Variants in SEMA3A observed in about 807,000 individuals in gnomAD.
The protein encoded by SEMA3A is semaphorin 3A, also known as semaphorin-3A.
SEMA3A carries 29 observed loss-of-function variants against 97.9 expected under a neutral mutation model. The observed-to-expected ratio is 0.30, with a 90% CI of 0.22 to 0.40. The LOEUF (loss-of-function observed/expected upper bound fraction) is 0.40, where lower values mean the gene tolerates loss of function less well. SEMA3A is among the 10% of genes least tolerant of loss of function. The pLI, the probability that SEMA3A is intolerant of heterozygous loss-of-function variation, is 1.00. For missense variants in SEMA3A, 763 were observed against 951.3 expected, an observed-to-expected ratio of 0.80 and a Z score of 2.60; for synonymous variants, 321 against 323.7, an observed-to-expected ratio of 0.99 and a Z score of 0.09.
At chr7:84,063,759 T>G (rs1793355885) in intron 4 of SEMA3A, among the ~76,000 whole-genome samples, 1 of 149,124 alleles carries the variant, frequency 6.7e-6, no homozygotes, top group Non-Finnish European at 1.5e-5. Context: ...CCAAGAAATA[T>G]GGGACTATGT....
At chr7:84,368,363 T>C (rs930388441) in intron 2 of SEMA3A, among the ~76,000 whole-genome samples, 8 of 151,128 alleles carry the variant, frequency 5.3e-5, no homozygotes, top group African/African-American at 1.9e-4. Flanking sequence ...ATCATTGTCA[T>C]CTTTGATGAG....
intron 1 of SEMA3A, among the ~76,000 whole-genome samples, chr7:84,378,054 C>T (rs2116127841): frequency 6.6e-6 from 1 of 152,148 alleles, no homozygotes; most frequent in African/African-American, 2.4e-5. Context: ...GAAGAGGGTT[C>T]CTCTCTTTAA....
chr7:84,293,575 T>A (rs1180495198), intron 3 of SEMA3A, among the ~76,000 whole-genome samples: 1 of 152,018 alleles, frequency 6.6e-6, no homozygotes, highest in East Asian at 1.9e-4. Context: ...AAAACAACAT[T>A]AAATTCTTAA....
chr7:84,226,148 T>C (rs748613456), intron 3 of SEMA3A, among the ~76,000 whole-genome samples: 20 of 152,102 alleles, frequency 1.3e-4, no homozygotes, highest in Non-Finnish European at 2.6e-4. Context: ...GCATAATCAG[T>C]ATTCCAGGGG....
At chr7:84,303,091 T>C (rs576236893) in intron 3 of SEMA3A, among the ~76,000 whole-genome samples, 3 of 152,260 alleles carry the variant, frequency 2.0e-5, no homozygotes, top group Admixed American at 1.3e-4. Flanking sequence ...TTCAAAGAGG[T>C]AGGTGACATT....
At chr7:84,270,593 A>T (rs1464146432) in intron 3 of SEMA3A, among the ~76,000 whole-genome samples, 1 of 147,370 alleles carries the variant, frequency 6.8e-6, no homozygotes, top group East Asian at 2.0e-4. Flanking sequence ...TATATAAATA[A>T]TTATTTATAT....
At chr7:84,420,313 G>A (rs1349289483) in intron 1 of SEMA3A, among the ~76,000 whole-genome samples, 1 of 151,836 alleles carries the variant, frequency 6.6e-6, no homozygotes, top group Non-Finnish European at 1.5e-5. Context: ...ACCAAGAACT[G>A]AGGGAAACCA....
At chr7:84,479,457 G>C (rs543117445) in intron 1 of SEMA3A, among the ~76,000 whole-genome samples, 5 of 152,296 alleles carry the variant, frequency 3.3e-5, no homozygotes, top group Admixed American at 3.3e-4. Flanking sequence ...TGTCAAGGCT[G>C]TGTTGCACAC....
intron 1 of SEMA3A, among the ~76,000 whole-genome samples, chr7:84,484,162 C>A (rs1806516719): frequency 6.6e-6 from 1 of 151,748 alleles, no homozygotes; most frequent in Non-Finnish European, 1.5e-5. Context: ...TAATATAGTA[C>A]TAAAAATATT....
At chr7:84,407,898 A>G (rs1804147175) in intron 1 of SEMA3A, among the ~76,000 whole-genome samples, 1 of 152,190 alleles carries the variant, frequency 6.6e-6, no homozygotes, top group African/African-American at 2.4e-5. Context: ...TTAATTCGAG[A>G]TGGATTAAAG....
chr7:84,137,804 G>A (rs1464652934), intron 1 of SEMA3A, among the ~76,000 whole-genome samples: 1 of 151,814 alleles, frequency 6.6e-6, no homozygotes, highest in Non-Finnish European at 1.5e-5. Flanking sequence ...AATTGCAAAT[G>A]CATAGAAACT....
intron 1 of SEMA3A, among the ~76,000 whole-genome samples, chr7:84,173,923 A>C (rs1250413321): frequency 6.6e-6 from 1 of 152,164 alleles, no homozygotes; most frequent in Non-Finnish European, 1.5e-5. Flanking sequence ...CCTAGGTTGC[A>C]TGCTCCTTAC....
chr7:84,179,941 AATGC>A, intron 1 of SEMA3A, among the ~76,000 whole-genome samples: 1 of 145,056 alleles, frequency 6.9e-6, no homozygotes, highest in Non-Finnish European at 1.5e-5. Flanking sequence ...ATGTTTAGTC[AATGC>A]ATCTCTGCTT....
intron 3 of SEMA3A, among the ~76,000 whole-genome samples, chr7:84,211,991 T>C (rs1322944479): frequency 6.6e-6 from 1 of 152,180 alleles, no homozygotes; most frequent in Non-Finnish European, 1.5e-5. Context: ...AGTAATGTCA[T>C]GCATATCCAC....
chr7:84,485,593 ATGAACTCC>A (rs1044525149), intron 1 of SEMA3A, among the ~76,000 whole-genome samples: 61 of 152,024 alleles, frequency 4.0e-4, no homozygotes, highest in Non-Finnish European at 1.2e-4. Flanking sequence ...CAGGCTAGTC[ATGAACTCC>A]TGGGCTCTAG....
intron 13 of SEMA3A, among the ~76,000 whole-genome samples, chr7:83,984,390 C>A (rs142294207): frequency 6.6e-6 from 1 of 151,950 alleles, no homozygotes; most frequent in African/African-American, 2.4e-5. Flanking sequence ...TGGAGATTAT[C>A]GATCTATTTT....
chr7:84,163,914 C>G (rs191403224), intron 1 of SEMA3A, among the ~76,000 whole-genome samples: 1 of 150,056 alleles, frequency 6.7e-6, no homozygotes, highest in African/African-American at 2.5e-5. Context: ...GGATCAATCT[C>G]GGCTCACCGC....
chr7:84,378,908 G>T (rs886905408), intron 1 of SEMA3A, among the ~76,000 whole-genome samples: 15 of 112,728 alleles, frequency 1.3e-4, no homozygotes, highest in Admixed American at 5.2e-4. Context: ...ATATATTTTT[G>T]TTGTTGTTGT....
intron 3 of SEMA3A, among the ~76,000 whole-genome samples, chr7:84,304,762 C>G (rs1179457102): frequency 2.0e-5 from 3 of 151,924 alleles, no homozygotes; most frequent in Admixed American, 1.3e-4. Flanking sequence ...CAAACTTATT[C>G]AATGACCATA....
Sources: allele counts gnomAD v4.1 joint callset (sites outside exome capture counted in the v4.1 genomes callset), GRCh38; gene constraint gnomAD v4.1.1; transcripts MANE v1.5; gene names NCBI Gene and HGNC (gene_info 2026-07-23, HGNC 2026-07-21).